The following GNE variants were observed in gnomAD, a reference collection of about 807,000 sequenced individuals.
GNE encodes glucosamine (UDP-N-acetyl)-2-epimerase/N-acetylmannosamine kinase.
GNE carries 41 observed loss-of-function variants against 61.8 expected under a neutral mutation model. The observed-to-expected ratio is 0.66, with a 90% CI of 0.52 to 0.86. The LOEUF (loss-of-function observed/expected upper bound fraction) is 0.86, where lower values mean the gene tolerates loss of function less well. Among genes scored for constraint, GNE ranks in the 40% least tolerant of loss-of-function variants. The pLI, the probability that GNE is intolerant of heterozygous loss-of-function variation, is 0.00. For missense variants in GNE, 608 were observed against 909.1 expected (o/e 0.67, Z 4.26); for synonymous variants, 264 against 326.4 (o/e 0.81, Z 2.06).
At chr9:36,252,391 T>C (rs1411146250) in intron 1 of GNE, among the ~76,000 whole-genome samples, 1 of 152,204 alleles carries the variant, frequency 6.6e-6, no homozygotes, top group Non-Finnish European at 1.5e-5. Context: ...GCTGAAAAAA[T>C]TGTTGGTAAT....
At chr9:36,266,354 T>TA (rs1830789392) in intron 1 of GNE, among the ~76,000 whole-genome samples, 1 of 152,250 alleles carries the variant, frequency 6.6e-6, no homozygotes, top group African/African-American at 2.4e-5. Flanking sequence ...TATCACTGCA[T>TA]ACGCCAGATT....
In GNE at chr9:36,228,901, G is replaced by A. The variant is rs866867505; in HGVS notation, c.1070+120C>T. ...AATCCCTGTCTCCCCAGCAACTAGG[G>A]GCCCGTAGGCATAAGAAGGAAAGCT... is the stretch of plus-strand genomic sequence containing the variant. On this transcript the variant is annotated intron_variant, in intron 6 of 11. Coordinates refer to ENST00000642385, the MANE Select transcript of GNE (RefSeq NM_005476.7). The A allele has an allele frequency of 2.5e-5, 19 of 772,618 alleles. No individual in the cohort carries two copies. In the Middle Eastern group the frequency reaches 4.4e-3, roughly 179 times the overall value. The allele number at this position is 772,618 out of a possible 1,614,324, so 47.9% of individuals were successfully genotyped here. A position where few individuals can be genotyped will look rare whatever the true frequency, so the allele number is the denominator to read the frequency against.
At chr9:36,239,754 T>C (rs62541781) in intron 3 of GNE, among the ~76,000 whole-genome samples, 1,869 of 152,288 alleles carry the variant, frequency 0.012, 19 homozygotes, top group Middle Eastern at 0.024. Flanking sequence ...ATTACAGGTG[T>C]GAGCCACTGC....
chr9:36,259,111 T>A (rs1219018701), upstream of GNE, among the ~76,000 whole-genome samples: 1 of 152,152 alleles, frequency 6.6e-6, no homozygotes, highest in African/African-American at 2.4e-5. Flanking sequence ...GAGACAAGGG[T>A]CTCACTATGT....
Position 36,246,011 on chromosome 9 carries a change from C to G in GNE, c.616+20G>C, listed in dbSNP as rs111358992. Reference sequence around the variant, plus strand: ...CTGACAAAAACAGCCATTAGACTGACTAAAGTCTGAGATACGTACCTAGCC... The same window carrying G: ...CTGACAAAAACAGCCATTAGACTGAGTAAAGTCTGAGATACGTACCTAGCC... On this transcript the variant is annotated intron_variant, in intron 3 of 11. Coordinates refer to ENST00000642385, the MANE Select transcript of GNE (RefSeq NM_005476.7). 3.0e-5 allele frequency: 48 copies of G among 1,590,944 alleles called. 1 individual carries two copies. In the African/African-American group the frequency reaches 5.4e-4, roughly 18 times the overall value.
At chr9:36,262,991 C>G (rs931724558), upstream of GNE, among the ~76,000 whole-genome samples, 1 of 152,160 alleles carries the variant, frequency 6.6e-6, no homozygotes, top group Non-Finnish European at 1.5e-5. Context: ...ATACCCCCTA[C>G]TTTACAGACA....
At chr9:36,260,352 G>C (rs945531351), upstream of GNE, among the ~76,000 whole-genome samples, 4 of 151,910 alleles carry the variant, frequency 2.6e-5, no homozygotes, top group African/African-American at 9.7e-5. Context: ...TTGGGTGGTT[G>C]GTTGTGTGCT....
At position 36,216,960 on chromosome 9, in the gene GNE, CTG is replaced by C; in HGVS notation, c.*403_*404del. ...GTGCTGGGATTACAGGCGTGAGCCACTGTGCCCGGCCTGGAAGGATTATTAAT... is the reference window on the plus strand; with the variant it reads ...GTGCTGGGATTACAGGCGTGAGCCACTGCCCGGCCTGGAAGGATTATTAAT... On this transcript the variant is annotated 3_prime_UTR_variant, in exon 12 of 12. Transcript: ENST00000642385. The C allele has an allele frequency of 3.5e-6, 1 of 285,882 alleles. No individual in the cohort carries two copies. The highest frequency in any genetic ancestry group is 6.8e-6 in the Non-Finnish European group (1 of 147,274). The allele number at this position is 285,882 out of a possible 1,614,324, so 17.7% of individuals were successfully genotyped here. A position where few individuals can be genotyped will look rare whatever the true frequency, so the allele number is the denominator to read the frequency against.
chr9:36,221,981 G>C (rs2133015481), intron 9 of GNE, among the ~76,000 whole-genome samples: 1 of 152,248 alleles, frequency 6.6e-6, no homozygotes, highest in South Asian at 2.1e-4. Flanking sequence ...TGACGGGGCA[G>C]GACGAACTTA....
At chr9:36,251,986 CTTTT>C (rs34737463) in intron 1 of GNE, among the ~76,000 whole-genome samples, 2 of 134,168 alleles carry the variant, frequency 1.5e-5, no homozygotes, top group Non-Finnish European at 3.1e-5. Flanking sequence ...ACTATCTGAT[CTTTT>C]TTTTTTTTTT....
chr9:36,234,167 T>TC, intron 4 of GNE, 35 bp from the exon 5 acceptor site: 1 of 1,534,454 alleles, frequency 6.5e-7, no homozygotes, highest in Non-Finnish European at 9.0e-7. Context: ...GGTAAATGGT[T>TC]TGTGAGATAA....
chr9:36,227,034 G>A (rs761452940), intron 7 of GNE, among the ~76,000 whole-genome samples: 20 of 152,154 alleles, frequency 1.3e-4, no homozygotes, highest in Non-Finnish European at 2.2e-4. Context: ...CAAGTCTACC[G>A]TCTTGGATTC....
At chr9:36,251,568 C>T (rs796136933) in intron 1 of GNE, among the ~76,000 whole-genome samples, 16 of 152,246 alleles carry the variant, frequency 1.1e-4, no homozygotes, top group African/African-American at 3.9e-4. Flanking sequence ...GAACTACAGG[C>T]ATACACCACT....
At chr9:36,274,396 C>G (rs1831172394) in intron 1 of GNE, among the ~76,000 whole-genome samples, 1 of 152,118 alleles carries the variant, frequency 6.6e-6, no homozygotes, top group South Asian at 2.1e-4. Flanking sequence ...GTGTCAGGCT[C>G]TTACACCTTT....
At chr9:36,264,737 C>A in intron 1 of GNE, among the ~76,000 whole-genome samples, 1 of 152,134 alleles carries the variant, frequency 6.6e-6, no homozygotes, top group African/African-American at 2.4e-5. Flanking sequence ...TCACACCCGA[C>A]CAATCAGGTA....
intron 1 of GNE, among the ~76,000 whole-genome samples, chr9:36,273,691 T>G (rs1205464733): frequency 1.3e-5 from 2 of 149,094 alleles, no homozygotes; most frequent in African/African-American, 5.0e-5. Context: ...AGAGTCTCAC[T>G]CTGTTGCCCA....
chr9:36,272,498 G>A (rs983005776), intron 1 of GNE, among the ~76,000 whole-genome samples: 5 of 151,788 alleles, frequency 3.3e-5, no homozygotes, highest in Non-Finnish European at 5.9e-5. Flanking sequence ...GCGGGCCCCT[G>A]TAGTCCCAGC....
At chr9:36,251,986 C>CTTTTTTTTTTTTTTTTTTTTT (rs34737463) in intron 1 of GNE, among the ~76,000 whole-genome samples, 1 of 134,174 alleles carries the variant, frequency 7.5e-6, no homozygotes, top group African/African-American at 2.8e-5. Flanking sequence ...ACTATCTGAT[C>CTTTTTTTTTTTTTTTTTTTTT]TTTTTTTTTT....
Position 36,229,016 on chromosome 9 carries a change from C to T in GNE, c.1070+5G>A, listed in dbSNP as rs374170125. ...ATCACTCAACAAAGAATGTTTTATACTCACCAAGGGTACTGTTTACCAAAC... is the reference window on the plus strand; with the variant it reads ...ATCACTCAACAAAGAATGTTTTATATTCACCAAGGGTACTGTTTACCAAAC... On this transcript the variant is annotated splice_donor_5th_base_variant and intron_variant, in intron 6 of 11. Coordinates refer to ENST00000642385, the MANE Select transcript of GNE (RefSeq NM_005476.7). The T allele has an allele frequency of 6.5e-6, 10 of 1,534,510 alleles. No individual in the cohort carries two copies. The African/African-American group carries it at 1.4e-4, about 21-fold the overall frequency.
Sources: allele counts gnomAD v4.1 joint callset (sites outside exome capture counted in the v4.1 genomes callset), GRCh38; gene constraint gnomAD v4.1.1; transcripts MANE v1.5; gene names NCBI Gene and HGNC (gene_info 2026-07-23, HGNC 2026-07-21).